Variants in WIPF1 observed in about 807,000 individuals in gnomAD.
WIPF1 encodes WAS/WASL interacting protein family member 1, also known as WAS/WASL-interacting protein family member 1.
Under a neutral mutation model 35.4 loss-of-function variants are expected in WIPF1, and 13 were observed. The ratio of observed to expected loss-of-function variants is 0.37; its 90% CI spans 0.24 to 0.58. The LOEUF (loss-of-function observed/expected upper bound fraction) is 0.58, where lower values mean the gene tolerates loss of function less well. Among genes scored for constraint, WIPF1 ranks in the 20% least tolerant of loss-of-function variants. The pLI is 0.74. For missense variants in WIPF1, 591 were observed against 667.0 expected, an observed-to-expected ratio of 0.89 and a Z score of 1.25; for synonymous variants, 267 against 266.3, an observed-to-expected ratio of 1.00 and a Z score of -0.02.
In WIPF1 at chr2:174,571,975, A is replaced by C; in HGVS notation, c.830T>G (p.Ile277Ser). The change falls in exon 5 of 8, where the codon ATC becomes AGC. Residue 277 changes from isoleucine (I) to serine (S), a missense_variant. Ile to Ser is a moderately radical substitution (Grantham distance 142). Transcript: ENST00000679041. The surrounding 1 kb of genome is among the most constrained non-coding windows in gnomAD (Gnocchi z 4.6). ...PPPPVGNRPS[I>S]HREAVPPPPP... ...AGGAGGGGGAACCGCTTCCCTGTGGATGGAGGGCCTGTTGCCCACTGGAGG... is the reference window on the plus strand; with the variant it reads ...AGGAGGGGGAACCGCTTCCCTGTGGCTGGAGGGCCTGTTGCCCACTGGAGG... 6.4e-7 allele frequency: 1 copy of C among 1,560,058 alleles called. No homozygotes were observed. The highest frequency in any genetic ancestry group is 8.7e-7 in the Non-Finnish European group (1 of 1,155,320).
chr2:174,653,579 A>AC (rs1687578714), intron 1 of WIPF1, among the ~76,000 whole-genome samples: 1 of 151,516 alleles, frequency 6.6e-6, no homozygotes, highest in South Asian at 2.1e-4. Flanking sequence ...TACTAAAAAT[A>AC]CTAAAAAAAA....
At position 174,646,428 on chromosome 2, in the gene WIPF1, A is replaced by C. The variant is rs138194298; in HGVS notation, c.-39+36346T>G. ...ATTAATTGCTTTATTCTTTTGGGTC[A>C]CAGTTTTCTCATCTATAACATGGAG... is the stretch of plus-strand genomic sequence containing the variant. On this transcript the variant is annotated intron_variant, in intron 1 of 8. Transcript: ENST00000272746. Among the ~76,000 whole-genome samples, 263 of 152,336 alleles carry C rather than the reference A, an allele frequency of 1.7e-3. 1 individual carries two copies. Among genetic ancestry groups the C allele is most frequent in the Middle Eastern group, 0.017 (5 of 294 alleles).
chr2:174,570,439 G>A (rs532377892), intron 5 of WIPF1: 14 of 152,156 alleles, frequency 9.2e-5, no homozygotes, highest in African/African-American at 2.4e-4. Flanking sequence ...TATGACTTAC[G>A]TAATCAAAAG....
At chr2:174,664,995 ATAT>A (rs1365872718) in intron 1 of WIPF1, among the ~76,000 whole-genome samples, 1 of 152,168 alleles carries the variant, frequency 6.6e-6, no homozygotes, top group Non-Finnish European at 1.5e-5. Context: ...AACATTAATA[ATAT>A]TATATTAACA....
At chr2:174,642,513 A>AT (rs1310164816) in intron 1 of WIPF1, among the ~76,000 whole-genome samples, 1 of 150,890 alleles carries the variant, frequency 6.6e-6, no homozygotes, top group Admixed American at 6.6e-5. Context: ...CGCCCGGCTA[A>AT]TTTTTTTGTA....
At chr2:174,643,699 C>G (rs1405373643) in intron 1 of WIPF1, among the ~76,000 whole-genome samples, 1 of 152,064 alleles carries the variant, frequency 6.6e-6, no homozygotes, top group African/African-American at 2.4e-5. Flanking sequence ...CGTGAGCCAC[C>G]ATGCCTGGCC....
At chr2:174,644,708 T>C (rs1366263613) in intron 1 of WIPF1, among the ~76,000 whole-genome samples, 1 of 152,150 alleles carries the variant, frequency 6.6e-6, no homozygotes, top group African/African-American at 2.4e-5. Context: ...TTAGGTGATG[T>C]CACGAAAAAT....
At chr2:174,616,558 A>G (rs1686511160) in intron 1 of WIPF1, among the ~76,000 whole-genome samples, 1 of 152,164 alleles carries the variant, frequency 6.6e-6, no homozygotes, top group Admixed American at 6.5e-5. Context: ...TACCTAAAGC[A>G]CTTGTTTGTC....
rs148300861 is a variant in WIPF1 at position 174,567,908 on chromosome 2, G to A, written c.1295C>T (p.Pro432Leu). The A allele has an allele frequency of 5.9e-5, 95 of 1,611,252 alleles. No homozygotes were observed. Among genetic ancestry groups the A allele is most frequent in the Middle Eastern group, 5.0e-4 (3 of 6,052 alleles). The change falls in exon 6 of 8, where the codon CCA (proline) becomes CTA (leucine). Residue 432 changes from proline to leucine, a missense_variant. Transcript: ENST00000679041. ...GCCATTTCTAATAGATGTTGATGGT[G>A]GAGGTGGGGGAGGTGCCCCAGCACT... Reference protein sequence around the residue: ...RPSAGAPPPPPPSTSIRNGFQ... With the variant: ...RPSAGAPPPPLPSTSIRNGFQ...
At chr2:174,574,642 A>T in intron 4 of WIPF1, 2 of 443,750 alleles carry the variant, frequency 4.5e-6, no homozygotes. Flanking sequence ...TTCTACCATC[A>T]GGTTCATAGA....
In WIPF1 at chr2:174,572,245, A is replaced by G. The variant is rs767657873; in HGVS notation, c.560T>C (p.Val187Ala). The G allele has an allele frequency of 1.3e-5, 21 of 1,613,952 alleles. No individual in the cohort carries two copies. The African/African-American group carries it at 2.5e-4, about 20-fold the overall frequency. ...TTGAATGGGTCTTGGAGTACTAGGT[A>G]CTGGAGGAGGAATGCTATCAGGCTT... ...GSKPDSIPPP[V>A]PSTPRPIQSS... Residue 187 changes from valine (V) to alanine (A), a missense_variant, in exon 5 of 8, where the codon GTA becomes GCA. Around this residue, in one of 3 missense-constraint regions of WIPF1, gnomAD observed 471 missense variants for 501.1 expected, o/e 0.94. Coordinates refer to ENST00000679041, the MANE Select transcript of WIPF1 (RefSeq NM_001375834.1).
intron 2 of WIPF1, among the ~76,000 whole-genome samples, chr2:174,584,834 C>T (rs1043152990): frequency 4.0e-5 from 6 of 149,962 alleles, no homozygotes; most frequent in Admixed American, 6.7e-5. Context: ...ATCACTTGAA[C>T]GGGAGGTGGA....
rs1487961872 is a variant in WIPF1 at position 174,589,747 on chromosome 2, G to A, written c.-38-4136C>T. 8.1e-4 allele frequency among the ~76,000 whole-genome samples: 5 copies of A among 6,208 alleles called. No individual in the cohort carries two copies. The Non-Finnish European group carries it at 0.048, about 60-fold the overall frequency. The allele number at this position is 6,208 out of a possible 152,430, so 4.1% of individuals were successfully genotyped here. ...ATATTCTTTCACCCATAGTTTTCAC[G>A]TGATATTTCACATCATATTACAACT... On this transcript the variant is annotated intron_variant, in intron 1 of 7. Coordinates refer to ENST00000679041, the MANE Select transcript of WIPF1 (RefSeq NM_001375834.1).
intron 1 of WIPF1, among the ~76,000 whole-genome samples, chr2:174,647,840 A>G (rs1687444492): frequency 6.6e-6 from 1 of 152,264 alleles, no homozygotes; most frequent in Non-Finnish European, 1.5e-5. Context: ...TTTATGTAGC[A>G]TAAAGCATAA....
intron 1 of WIPF1, chr2:174,665,793 C>G (rs1687878680): frequency 6.6e-6 from 1 of 152,162 alleles, no homozygotes; most frequent in Non-Finnish European, 1.5e-5. Context: ...TTTCAGAACC[C>G]TGGTTTAGAC....
intron 1 of WIPF1, among the ~76,000 whole-genome samples, chr2:174,641,514 T>C (rs1687293011): frequency 6.6e-6 from 1 of 152,242 alleles, no homozygotes; most frequent in African/African-American, 2.4e-5. Flanking sequence ...ACCGCTGTTA[T>C]TTTGGGAGCA....
In WIPF1 at chr2:174,621,847, C is replaced by T. The variant is rs553522378; in HGVS notation, c.-38-36236G>A. ...CATTTCAAATGGCCCCTGCTTTGGACTGTGCAGGACTACACAGTAGCCTAC... is the reference window on the plus strand; with the variant it reads ...CATTTCAAATGGCCCCTGCTTTGGATTGTGCAGGACTACACAGTAGCCTAC... On this transcript the variant is annotated intron_variant, in intron 1 of 8. Transcript: ENST00000272746. Among the ~76,000 whole-genome samples the T allele has an allele frequency of 3.3e-5, 5 of 152,310 alleles. No individual in the cohort carries two copies. In the East Asian group the frequency reaches 9.6e-4, roughly 29 times the overall value.
chr2:174,625,634 T>A, intron 1 of WIPF1: 1 of 152,226 alleles, frequency 6.6e-6, no homozygotes, highest in East Asian at 1.9e-4. Flanking sequence ...GATAACTGTT[T>A]TCTTGTAAGT....
At chr2:174,573,270 T>TG (rs1684934001) in intron 4 of WIPF1, among the ~76,000 whole-genome samples, 1 of 19,604 alleles carries the variant, frequency 5.1e-5, no homozygotes, top group African/African-American at 1.3e-4. Flanking sequence ...AAGGTAATTC[T>TG]GAAAAAAAAA....
Sources: allele counts gnomAD v4.1 joint callset (sites outside exome capture counted in the v4.1 genomes callset), GRCh38; gene constraint gnomAD v4.1.1; regional missense constraint gnomAD v4.1.1; non-coding constraint Gnocchi (gnomAD v3.1); transcripts MANE v1.5; gene names NCBI Gene and HGNC (gene_info 2026-07-23, HGNC 2026-07-21).